Variants in TAX1BP1 observed in about 807,000 individuals in gnomAD.
TAX1BP1 encodes Tax1 binding protein 1, also known as tax1-binding protein 1.
TAX1BP1 carries 62 observed loss-of-function variants against 97.7 expected under a neutral mutation model. The ratio of observed to expected loss-of-function variants is 0.63; its 90% CI spans 0.52 to 0.78. The LOEUF is 0.78. TAX1BP1 is among the 30% of genes least tolerant of loss of function. The pLI, the probability that TAX1BP1 is intolerant of heterozygous loss-of-function variation, is 0.00. For synonymous variants in TAX1BP1, 340 were observed against 304.2 expected (o/e 1.12, Z -1.23); for missense variants, 867 against 916.1 (o/e 0.95, Z 0.69).
chr7:27,748,255 G>C (rs184086400), intron 1 of TAX1BP1, among the ~76,000 whole-genome samples: 1 of 152,254 alleles, frequency 6.6e-6, no homozygotes. Flanking sequence ...CTTTCCAGGA[G>C]AGTTAATTTT....
intron 12 of TAX1BP1, among the ~76,000 whole-genome samples, chr7:27,796,641 C>T (rs778340181): frequency 9.2e-5 from 14 of 152,216 alleles, no homozygotes; most frequent in Admixed American, 2.6e-4. Context: ...GTGGGTGGAT[C>T]GCTTGAGGCC....
intron 2 of TAX1BP1, among the ~76,000 whole-genome samples, chr7:27,752,940 T>C (rs1295150530): frequency 6.6e-6 from 1 of 152,262 alleles, no homozygotes; most frequent in African/African-American, 2.4e-5. Flanking sequence ...GAGTTGCTAA[T>C]AAGTTCAGCA....
intron 13 of TAX1BP1, 127 bp downstream of exon 13, chr7:27,800,217 ATG>A (rs1466227157): frequency 4.5e-6 from 4 of 897,502 alleles, no homozygotes; most frequent in Non-Finnish European, 6.2e-6. Context: ...ACAAATAAAA[ATG>A]TACTATATAT....
chr7:27,757,081 A>G (rs1788247911), intron 2 of TAX1BP1, among the ~76,000 whole-genome samples: 2 of 152,138 alleles, frequency 1.3e-5, no homozygotes, highest in Admixed American at 6.5e-5. Flanking sequence ...GCTAAAGGTG[A>G]CTAAGGTTCG....
At chr7:27,769,589 T>A (rs140675527) in intron 4 of TAX1BP1, 87 bp from the exon 5 acceptor site, 14,262 of 1,122,822 alleles carry the variant, frequency 0.013, 110 homozygotes, top group Middle Eastern at 0.015. Context: ...TCTTCATTAT[T>A]TTTTTTGGAA....
At chr7:27,784,006 C>T (rs1176793268) in intron 5 of TAX1BP1, among the ~76,000 whole-genome samples, 3 of 152,092 alleles carry the variant, frequency 2.0e-5, no homozygotes, top group African/African-American at 7.2e-5. Flanking sequence ...AAAAATAAGT[C>T]AATAGGGTGT....
chr7:27,790,338 C>T (rs920054309), intron 8 of TAX1BP1, among the ~76,000 whole-genome samples: 1 of 151,560 alleles, frequency 6.6e-6, no homozygotes, highest in African/African-American at 2.4e-5. Flanking sequence ...TATAAGCATC[C>T]TGCAGTAAAC....
At chr7:27,792,390 C>T (rs535391221) in intron 9 of TAX1BP1, among the ~76,000 whole-genome samples, 160 bp downstream of exon 9, 159 of 152,254 alleles carry the variant, frequency 1.0e-3, no homozygotes, top group African/African-American at 3.6e-3. Flanking sequence ...TCTTGGCTTA[C>T]AGTTAATGTG....
At chr7:27,761,939 C>T (rs1788443851) in intron 3 of TAX1BP1, among the ~76,000 whole-genome samples, 1 of 152,172 alleles carries the variant, frequency 6.6e-6, no homozygotes, top group Non-Finnish European at 1.5e-5. Context: ...TATATTCCTA[C>T]CTGCAATGAA....
Position 27,821,001 on chromosome 7 carries a change from A to G in TAX1BP1, c.2085+3963A>G, listed in dbSNP as rs1372727818. On this transcript the variant is annotated intron_variant, in intron 15 of 16. Transcript: ENST00000396319. ...CAGTGCTTCAGTGAGCATTTCCTTT[A>G]AGTGTCATCTCAGGGCTTAAAAAGT... Among the ~76,000 whole-genome samples the G allele has an allele frequency of 2.0e-5, 3 of 152,314 alleles. No individual in the cohort carries two copies. The East Asian group carries it at 5.8e-4, about 29-fold the overall frequency.
intron 13 of TAX1BP1, among the ~76,000 whole-genome samples, chr7:27,810,658 A>G (rs1790523087): frequency 6.6e-6 from 1 of 152,058 alleles, no homozygotes; most frequent in African/African-American, 2.4e-5. Context: ...CTTTTCAGCT[A>G]TATCTCCTGC....
intron 1 of TAX1BP1, among the ~76,000 whole-genome samples, chr7:27,742,589 G>GT (rs143186430): frequency 0.015 from 2,247 of 152,274 alleles, 52 homozygotes; most frequent in African/African-American, 0.051. Context: ...CACAGACACA[G>GT]TAACAGTCTG....
At position 27,828,713 on chromosome 7, in the gene TAX1BP1, A is replaced by T; in HGVS notation, c.2254A>T (p.Ser752Cys). The change falls in exon 17 of 17, where the codon AGT (serine) becomes TGT (cysteine). Residue 752 changes from serine to cysteine, a missense_variant. Coordinates refer to ENST00000396319, the MANE Select transcript of TAX1BP1 (RefSeq NM_006024.7). ...GAGCAAATTTGAAGAACATGTTGAA[A>T]GTCACTGGAAGGTGTGCCCGATGTG... ...DQSKFEEHVESHWKVCPMCSE... is the reference protein window; with the variant it reads ...DQSKFEEHVECHWKVCPMCSE... The T allele has an allele frequency of 6.2e-7, 1 of 1,614,162 alleles. No homozygotes were observed.
intron 7 of TAX1BP1, 87 bp downstream of exon 7, chr7:27,785,576 G>A: frequency 9.0e-7 from 1 of 1,105,610 alleles, no homozygotes; most frequent in Non-Finnish European, 1.3e-6. Context: ...CAATTTAGGA[G>A]CAGCTTAGCT....
intron 3 of TAX1BP1, among the ~76,000 whole-genome samples, 180 bp from the exon 4 acceptor site, chr7:27,765,654 T>A (rs983135561): frequency 1.3e-5 from 2 of 151,922 alleles, no homozygotes; most frequent in East Asian, 3.9e-4. Context: ...GAAGAAAAAA[T>A]TTAACTTTGA....
chr7:27,807,765 C>A (rs1327375640), intron 13 of TAX1BP1, among the ~76,000 whole-genome samples: 1 of 152,130 alleles, frequency 6.6e-6, no homozygotes. Context: ...GATCTTCTAA[C>A]TCCATAATTC....
chr7:27,772,583 T>C (rs1788885314), intron 5 of TAX1BP1: 1 of 152,030 alleles, frequency 6.6e-6, no homozygotes, highest in Admixed American at 6.6e-5. Context: ...CTGTAATTGT[T>C]TATTAATAAA....
chr7:27,765,965 G>A lies in TAX1BP1; in HGVS notation c.397G>A (p.Glu133Lys), dbSNP rs1788617338. 6.2e-7 allele frequency: 1 copy of A among 1,614,062 alleles called. No homozygotes were observed. Among genetic ancestry groups the A allele is most frequent in the Admixed American group, 1.7e-5 (1 of 60,010 alleles). Residue 133 changes from glutamate (E) to lysine (K), a missense_variant, in exon 4 of 17, where the codon GAA (glutamate) becomes AAA (lysine). Glu to Lys is a moderately conservative substitution (Grantham distance 56). Transcript: ENST00000396319. ...TCCAGTTGAAGAGCTGCTTACTATG[G>A]AAGATGAAGGAAATTCTGACATGTT... ...SSPVEELLTM[E>K]DEGNSDMLVV...
At chr7:27,756,227 A>G (rs1438129683) in intron 2 of TAX1BP1, among the ~76,000 whole-genome samples, 2 of 152,170 alleles carry the variant, frequency 1.3e-5, no homozygotes, top group South Asian at 2.1e-4. Flanking sequence ...GAGCTTAGAT[A>G]TAAGACAGTT....
Sources: gnomAD v4.1 joint callset for allele counts (sites outside exome capture counted in the v4.1 genomes callset) on GRCh38, gnomAD v4.1.1 for gene constraint, MANE v1.5 for transcripts, NCBI Gene and HGNC (gene_info 2026-07-23, HGNC 2026-07-21) for gene names.